The following HEATR5A variants were observed in gnomAD, a reference collection of about 807,000 sequenced individuals.
HEATR5A encodes HEAT repeat-containing protein 5A.
Under a neutral mutation model 218.8 loss-of-function variants are expected in HEATR5A, and 178 were observed. The ratio of observed to expected loss-of-function variants is 0.81; its 90% CI spans 0.72 to 0.92. The LOEUF is 0.92. Among genes scored for constraint, HEATR5A ranks in the 40% least tolerant of loss-of-function variants. The pLI, the probability that HEATR5A is intolerant of heterozygous loss-of-function variation, is 0.00. For missense variants in HEATR5A, 2,420 were observed against 2,418.9 expected, an observed-to-expected ratio of 1.00 and a Z score of -0.01; for synonymous variants, 864 against 871.6, an observed-to-expected ratio of 0.99 and a Z score of 0.15.
At chr14:31,402,319 A>C (rs954443763) in intron 2 of HEATR5A, among the ~76,000 whole-genome samples, 3 of 152,208 alleles carry the variant, frequency 2.0e-5, no homozygotes, top group African/African-American at 7.2e-5. Flanking sequence ...TAGTAAATTA[A>C]TCAACCAAAC....
intron 22 of HEATR5A, among the ~76,000 whole-genome samples, chr14:31,330,993 G>A: frequency 7.4e-6 from 1 of 135,528 alleles, no homozygotes; most frequent in Admixed American, 7.8e-5. Context: ...CCAGGCTGGA[G>A]TGCAGTGGCG....
At chr14:31,380,350 G>A in intron 11 of HEATR5A, 117 bp downstream of exon 11, 1 of 616,082 alleles carries the variant, frequency 1.6e-6, no homozygotes, top group Non-Finnish European at 2.8e-6. Context: ...ATGTTTGTGT[G>A]GCTATTTAAA....
At chr14:31,417,225 T>TAG (rs910344182) in intron 1 of HEATR5A, among the ~76,000 whole-genome samples, 9 of 152,140 alleles carry the variant, frequency 5.9e-5, no homozygotes, top group African/African-American at 1.9e-4. Context: ...ACACAGTTGC[T>TAG]AGAGAAAATA....
intron 3 of HEATR5A, among the ~76,000 whole-genome samples, chr14:31,399,858 G>C (rs980439916): frequency 6.6e-5 from 10 of 152,052 alleles, no homozygotes; most frequent in African/African-American, 2.4e-4. Flanking sequence ...ATATTACATG[G>C]CTCATTGCCT....
intron 23 of HEATR5A, 72 bp downstream of exon 23, chr14:31,326,091 A>T: frequency 8.7e-7 from 1 of 1,152,504 alleles, no homozygotes; most frequent in Non-Finnish European, 1.3e-6. Flanking sequence ...ATGAATTCTC[A>T]GTGGTAAACA....
Position 31,350,600 on chromosome 14 carries a change from A to G in HEATR5A, c.2517+12T>C. ...ATGAAGCCAACATTTAAATGAAAAA[A>G]ATAATAATTACCTTCAAGAAACTAG... On this transcript the variant is annotated intron_variant, in intron 17 of 35. Transcript: ENST00000543095. The G allele has an allele frequency of 1.4e-6, 2 of 1,440,860 alleles. No individual in the cohort carries two copies. Among genetic ancestry groups the G allele is most frequent in the Middle Eastern group, 1.8e-4 (1 of 5,702 alleles). The allele number at this position is 1,440,860 out of a possible 1,614,324, so 89.3% of individuals were successfully genotyped here.
At position 31,381,020 on chromosome 14, in the gene HEATR5A, G is replaced by A. The variant is rs139815415; in HGVS notation, c.1597-442C>T. Among the ~76,000 whole-genome samples the A allele has an allele frequency of 2.9e-3, 448 of 152,226 alleles. 12 individuals are homozygous for A. The East Asian group carries it at 0.064, about 22-fold the overall frequency. On this transcript the variant is annotated intron_variant, in intron 10 of 35. Coordinates refer to ENST00000543095, the MANE Select transcript of HEATR5A (RefSeq NM_015473.4). ...TCCCAGCACTTTGGGAGGCTGAGGC[G>A]GGTGGATCACAAAGTCAGGAGATCG...
chr14:31,326,739 T>G (rs2139174377), intron 22 of HEATR5A, among the ~76,000 whole-genome samples: 1 of 152,034 alleles, frequency 6.6e-6, no homozygotes, highest in South Asian at 2.1e-4. Flanking sequence ...GCCTCCCAGG[T>G]TCAAGCAATT....
chr14:31,348,166 T>G (rs1901082066), intron 18 of HEATR5A, among the ~76,000 whole-genome samples: 1 of 152,214 alleles, frequency 6.6e-6, no homozygotes, highest in African/African-American at 2.4e-5. Flanking sequence ...TTCATATATA[T>G]ACATGAAGAA....
intron 22 of HEATR5A, among the ~76,000 whole-genome samples, chr14:31,336,247 T>A (rs188642621): frequency 8.9e-6 from 1 of 112,220 alleles, no homozygotes; most frequent in South Asian, 2.6e-4. Context: ...TATATATATA[T>A]ATATATATAT....
intron 22 of HEATR5A, among the ~76,000 whole-genome samples, chr14:31,332,903 T>C (rs1241880757): frequency 6.6e-6 from 1 of 151,714 alleles, no homozygotes. Flanking sequence ...GAAGACTCGC[T>C]TGAACCCGGA....
rs541195117 is a variant in HEATR5A at position 31,345,728 on chromosome 14, T to C, written c.2869-452A>G. Among the ~76,000 whole-genome samples the C allele has an allele frequency of 3.3e-5, 5 of 152,340 alleles. No individual in the cohort carries two copies. In the East Asian group the frequency reaches 5.8e-4, roughly 18 times the overall value. On this transcript the variant is annotated intron_variant, in intron 19 of 35. Transcript: ENST00000543095. ...TATAGAAGCAAGCAAAACTAATTTA[T>C]GCTGTTGCAAATTAGGATAGTGGTT...
chr14:31,391,156 A>T (rs898272164), intron 6 of HEATR5A, among the ~76,000 whole-genome samples: 5 of 152,224 alleles, frequency 3.3e-5, no homozygotes, highest in African/African-American at 1.2e-4. Flanking sequence ...CTACGTTTTA[A>T]GCTAAATGTT....
rs191208370 is a variant in HEATR5A at position 31,347,673 on chromosome 14, A to C, written c.2868+75T>G. 1.4e-5 allele frequency: 15 copies of C among 1,053,036 alleles called. No individual in the cohort carries two copies. In the Admixed American group the frequency reaches 5.3e-4, roughly 37 times the overall value. The allele number at this position is 1,053,036 out of a possible 1,614,324, so 65.2% of individuals were successfully genotyped here. ...GAGGAAACTATATTCATAAATTATT[A>C]ATGTTCAATATAAACACAATCTGCA... is the stretch of plus-strand genomic sequence containing the variant. On this transcript the variant is annotated intron_variant, in intron 19 of 35. Coordinates refer to ENST00000543095, the MANE Select transcript of HEATR5A (RefSeq NM_015473.4).
chr14:31,379,307 G>A (rs1161282631), intron 11 of HEATR5A, among the ~76,000 whole-genome samples: 1 of 151,646 alleles, frequency 6.6e-6, no homozygotes, highest in African/African-American at 2.4e-5. Context: ...CTGGAGTGCA[G>A]TGGTGCAATC....
intron 12 of HEATR5A, among the ~76,000 whole-genome samples, chr14:31,372,449 T>C (rs1290692060): frequency 6.6e-6 from 1 of 152,218 alleles, no homozygotes; most frequent in African/African-American, 2.4e-5. Context: ...CCCAAAGTGC[T>C]AGGATTATAG....
chr14:31,373,203 G>A (rs759611804), intron 12 of HEATR5A, among the ~76,000 whole-genome samples: 4 of 151,910 alleles, frequency 2.6e-5, no homozygotes, highest in African/African-American at 7.3e-5. Context: ...ATTGGCCACT[G>A]AGCCTGGCCA....
chr14:31,388,834 G>A lies in HEATR5A; in HGVS notation c.933+11C>T. 1 of 1,610,792 alleles carries A rather than the reference G, an allele frequency of 6.2e-7. No homozygotes were observed. The highest frequency in any genetic ancestry group is 8.5e-7 in the Non-Finnish European group (1 of 1,177,212). ...AAGAGTTAGACTGAGATACTGATTTGTGATTCCAACCTGAGTAACTCCAAC... is the reference window on the plus strand; with the variant it reads ...AAGAGTTAGACTGAGATACTGATTTATGATTCCAACCTGAGTAACTCCAAC... On this transcript the variant is annotated intron_variant, in intron 7 of 35. Transcript: ENST00000543095.
At chr14:31,407,736 C>A (rs530476352) in intron 1 of HEATR5A, among the ~76,000 whole-genome samples, 20 of 152,212 alleles carry the variant, frequency 1.3e-4, no homozygotes, top group Admixed American at 7.2e-4. Context: ...TCAAACAATT[C>A]TCCTGCCTCA....
Sources: gnomAD v4.1 joint callset for allele counts (sites outside exome capture counted in the v4.1 genomes callset) on GRCh38, gnomAD v4.1.1 for gene constraint, MANE v1.5 for transcripts, NCBI Gene and HGNC (gene_info 2026-07-23, HGNC 2026-07-21) for gene names.